The following TENM3 variants were observed in gnomAD, a reference collection of about 807,000 sequenced individuals.
TENM3 encodes the protein teneurin transmembrane protein 3.
Under a neutral mutation model 255.1 loss-of-function variants are expected in TENM3, and 63 were observed. The ratio of observed to expected loss-of-function variants is 0.25; its 90% CI spans 0.20 to 0.30. The LOEUF (loss-of-function observed/expected upper bound fraction) is 0.30. Ranked by LOEUF, TENM3 falls within the 10% of genes least tolerant of loss-of-function variation. The pLI, the probability that TENM3 is intolerant of heterozygous loss-of-function variation, is 1.00. For synonymous variants in TENM3, 1,306 were observed against 1,322.3 expected (o/e 0.99, Z 0.27); for missense variants, 2,929 against 3,461.1 (o/e 0.85, Z 3.86).
At chr4:181,727,909 G>C in the TENM3 span, among the ~76,000 whole-genome samples, 4 of 152,136 alleles carry the variant, frequency 2.6e-5, no homozygotes, top group Non-Finnish European at 4.4e-5. Flanking sequence ...AGTCTACTAT[G>C]CCTTAATTTG....
the TENM3 span, among the ~76,000 whole-genome samples, chr4:181,622,537 A>G: frequency 0.12 from 17,887 of 151,986 alleles, 1,123 homozygotes; most frequent in South Asian, 0.21. Context: ...TTAGCCGAGT[A>G]TGGTGGCAAG....
intron 1 of TENM3, among the ~76,000 whole-genome samples, chr4:182,213,206 TAAGG>T (rs1561204183): frequency 6.6e-6 from 1 of 152,238 alleles, no homozygotes; most frequent in Non-Finnish European, 1.5e-5. Flanking sequence ...AAGTAATGAA[TAAGG>T]CAGAATGCAT....
the TENM3 span, among the ~76,000 whole-genome samples, chr4:181,558,810 T>C: frequency 6.6e-6 from 1 of 152,244 alleles, no homozygotes; most frequent in Non-Finnish European, 1.5e-5. Flanking sequence ...GGTTAATACC[T>C]GCATGCAAGA....
chr4:181,887,923 T>C, the TENM3 span, among the ~76,000 whole-genome samples: 7 of 152,332 alleles, frequency 4.6e-5, 1 homozygote, highest in South Asian at 8.3e-4. Flanking sequence ...TCACTATATA[T>C]GTACACATGA....
At chr4:181,531,840 C>T in the TENM3 span, among the ~76,000 whole-genome samples, 11 of 152,248 alleles carry the variant, frequency 7.2e-5, no homozygotes, top group Middle Eastern at 3.4e-3. Context: ...AACTGAAGGG[C>T]GGAGCAGAGT....
Position 182,440,693 on chromosome 4 carries a change from A to G in TENM3, c.511+93764A>G, listed in dbSNP as rs10005017. On this transcript the variant is annotated intron_variant, in intron 3 of 27. Coordinates refer to ENST00000511685, the MANE Select transcript of TENM3 (RefSeq NM_001080477.4). ...GTTTAACATGACGATGTGGATTTTA[A>G]GGGAAGATTTGAGAATAATTATCAT... is the stretch of plus-strand genomic sequence containing the variant. 4.1e-3 allele frequency among the ~76,000 whole-genome samples: 632 copies of G among 152,338 alleles called. 5 individuals carry two copies. Among genetic ancestry groups the G allele is most frequent in the African/African-American group, 0.014 (596 of 41,574 alleles).
the TENM3 span, among the ~76,000 whole-genome samples, chr4:181,778,161 A>G: frequency 1.4e-4 from 21 of 152,130 alleles, no homozygotes; most frequent in African/African-American, 4.8e-4. Context: ...TAAGAAACCC[A>G]TGAAAAAATA....
the TENM3 span, among the ~76,000 whole-genome samples, chr4:182,063,561 A>T: frequency 6.6e-6 from 1 of 152,258 alleles, no homozygotes; most frequent in African/African-American, 2.4e-5. Flanking sequence ...ATTTAGAAAA[A>T]GACCTTGGAC....
chr4:182,332,315 C>T (rs1338441706), intron 2 of TENM3, among the ~76,000 whole-genome samples: 1 of 152,112 alleles, frequency 6.6e-6, no homozygotes, highest in Non-Finnish European at 1.5e-5. Context: ...GTATGGGAGA[C>T]AGTGAAAGTC....
the TENM3 span, among the ~76,000 whole-genome samples, chr4:181,531,671 C>T: frequency 6.6e-5 from 10 of 152,102 alleles, no homozygotes; most frequent in Admixed American, 6.6e-5. Context: ...AGACATTAAA[C>T]AAATAATTAC....
the TENM3 span, among the ~76,000 whole-genome samples, chr4:181,981,649 G>T: frequency 1.1e-4 from 16 of 152,120 alleles, no homozygotes; most frequent in Non-Finnish European, 2.4e-4. Flanking sequence ...GGACTTTGGT[G>T]GGATTTGGGG....
the TENM3 span, among the ~76,000 whole-genome samples, chr4:181,569,539 G>T: frequency 6.6e-6 from 1 of 151,972 alleles, no homozygotes; most frequent in Non-Finnish European, 1.5e-5. Context: ...TTTTGCACTG[G>T]ATTTCTGTCT....
intron 3 of TENM3, among the ~76,000 whole-genome samples, chr4:182,404,908 C>T (rs1021560895): frequency 5.3e-5 from 8 of 152,194 alleles, no homozygotes; most frequent in African/African-American, 1.9e-4. Flanking sequence ...TCCTTGAATG[C>T]TCTCCATCAT....
intron 3 of TENM3, among the ~76,000 whole-genome samples, chr4:182,388,009 T>C (rs1768111699): frequency 6.6e-6 from 1 of 151,702 alleles, no homozygotes; most frequent in African/African-American, 2.4e-5. Context: ...TTTCTCTCCA[T>C]GGTTAAGCAA....
At position 182,318,644 on chromosome 4, in the gene TENM3, G is replaced by A. The variant is rs114246181; in HGVS notation, c.-75-5302G>A. Among the ~76,000 whole-genome samples the A allele has an allele frequency of 2.9e-3, 436 of 152,316 alleles. 3 individuals are homozygous for A. Among genetic ancestry groups the A allele is most frequent in the African/African-American group, 8.6e-3 (359 of 41,570 alleles). The stretch of plus-strand genomic sequence containing the variant: ...AGTAATCCAACTTGCTTTAAGCCCA[G>A]CTGTGGTTTCCAGAGGAGTGCTATG... On this transcript the variant is annotated intron_variant, in intron 1 of 27. Coordinates refer to ENST00000511685, the MANE Select transcript of TENM3 (RefSeq NM_001080477.4).
At chr4:181,537,982 G>A in the TENM3 span, among the ~76,000 whole-genome samples, 81 of 152,238 alleles carry the variant, frequency 5.3e-4, no homozygotes, top group African/African-American at 1.3e-3. Context: ...GAATGGGAAG[G>A]CTTGGCATAG....
At chr4:182,076,071 G>T in the TENM3 span, among the ~76,000 whole-genome samples, 3 of 151,866 alleles carry the variant, frequency 2.0e-5, no homozygotes, top group Non-Finnish European at 4.4e-5. Context: ...GTGACACAAT[G>T]CCTAATTTTT....
rs557719174 is a variant in TENM3 at position 182,543,206 on chromosome 4, C to T, written c.512-57718C>T. On this transcript the variant is annotated intron_variant, in intron 3 of 27. Transcript: ENST00000511685. Reference sequence around the variant, plus strand: ...GGATGGAGGGATGCATGGATGGATGCAAGGATGGAGGGATGCATGGATGCA... The same window carrying T: ...GGATGGAGGGATGCATGGATGGATGTAAGGATGGAGGGATGCATGGATGCA... 4.2e-5 allele frequency among the ~76,000 whole-genome samples: 6 copies of T among 141,832 alleles called. No homozygotes were observed. In the East Asian group the frequency reaches 1.0e-3, roughly 24 times the overall value. 93.0% of individuals were successfully genotyped at this position (141,832 alleles called of 152,430 possible).
chr4:182,166,622 TTCTTC>T (rs892960782), intron 1 of TENM3, among the ~76,000 whole-genome samples: 1 of 152,154 alleles, frequency 6.6e-6, no homozygotes, highest in African/African-American at 2.4e-5. Context: ...TTTATTTCTT[TTCTTC>T]TCTTTTCTTT....
Sources: gnomAD v4.1 joint callset for allele counts (sites outside exome capture counted in the v4.1 genomes callset) on GRCh38, gnomAD v4.1.1 for gene constraint, MANE v1.5 for transcripts, NCBI Gene and HGNC (gene_info 2026-07-23, HGNC 2026-07-21) for gene names.